Variants in GRID1 observed in about 807,000 individuals in gnomAD.
The protein encoded by GRID1 is glutamate ionotropic receptor delta type subunit 1.
In GRID1, 28 loss-of-function variants were observed where a neutral mutation model predicts 98.0. That is an observed-to-expected ratio of 0.29 (90% CI 0.21 to 0.39). The LOEUF is 0.39. Ranked by LOEUF, GRID1 falls within the 10% of genes least tolerant of loss-of-function variation. The pLI is 1.00. For synonymous variants in GRID1, 553 were observed against 538.5 expected (o/e 1.03, Z -0.37); for missense variants, 1,111 against 1,340.5 (o/e 0.83, Z 2.67).
chr10:85,875,739 A>G (rs1843322836), intron 5 of GRID1, among the ~76,000 whole-genome samples: 1 of 152,216 alleles, frequency 6.6e-6, no homozygotes, highest in Non-Finnish European at 1.5e-5. Context: ...ACTTCCAATC[A>G]CCATTATCCC....
intron 4 of GRID1, among the ~76,000 whole-genome samples, chr10:86,137,556 G>A (rs1021156114): frequency 5.9e-5 from 9 of 152,234 alleles, no homozygotes; most frequent in Non-Finnish European, 1.0e-4. Context: ...AATACTGCAA[G>A]AAGAGCCATC....
At position 85,602,426 on chromosome 10, in the gene GRID1, C is replaced by T. The variant is rs756433261; in HGVS notation, c.2877G>A (p.Ala959=). The stretch of plus-strand genomic sequence containing the variant: ...GTTTGCACTGCATGGAGGGCATGGT[C>T]GCCGAGCTGCTCAGCGGCAGCGGCA... ...SNLPLPLSSS[A]TMPSMQCKHR... The change falls in exon 16 of 16, where the codon GCG becomes GCA. Residue 959 remains alanine (A), a synonymous_variant. Transcript: ENST00000327946. 3.7e-6 allele frequency: 6 copies of T among 1,614,066 alleles called. No individual in the cohort carries two copies. Among genetic ancestry groups the T allele is most frequent in the Middle Eastern group, 3.3e-4 (2 of 6,060 alleles).
At position 86,364,020 on chromosome 10, in the gene GRID1, A is replaced by G; in HGVS notation, c.156T>C (p.Asp52=). 1 of 1,613,936 alleles carries G rather than the reference A, an allele frequency of 6.2e-7. No homozygotes were observed. Among genetic ancestry groups the G allele is most frequent in the East Asian group, 2.2e-5 (1 of 44,862 alleles). ...TGATCTTCTCGCTCTGCAGGATGTC[A>G]TCGTTGAGGCTCAGGTCGGATACCG... is the stretch of plus-strand genomic sequence containing the variant. ...QLAVSDLSLN[D]DILQSEKITY... The change falls in exon 2 of 16, where the codon GAT becomes GAC. Residue 52 remains aspartate (D), a synonymous_variant. Coordinates refer to ENST00000327946, the MANE Select transcript of GRID1 (RefSeq NM_017551.3).
intron 5 of GRID1, among the ~76,000 whole-genome samples, chr10:85,902,889 T>C (rs1841409000): frequency 6.6e-6 from 1 of 152,092 alleles, no homozygotes; most frequent in African/African-American, 2.4e-5. Context: ...ACTTGGCTTC[T>C]GGGACCCCCC....
chr10:85,711,650 A>T (rs1023133304), intron 12 of GRID1, among the ~76,000 whole-genome samples: 9 of 151,886 alleles, frequency 5.9e-5, no homozygotes, highest in Admixed American at 3.3e-4. Context: ...TTACCAATAA[A>T]AATTTAAATC....
chr10:86,191,320 C>A (rs556220733), intron 3 of GRID1, among the ~76,000 whole-genome samples: 1 of 152,232 alleles, frequency 6.6e-6, no homozygotes, highest in East Asian at 1.9e-4. Context: ...TCAAATAAGT[C>A]TTGAGGATGG....
At chr10:85,953,280 C>A (rs1842148254) in intron 4 of GRID1, among the ~76,000 whole-genome samples, 1 of 151,954 alleles carries the variant, frequency 6.6e-6, no homozygotes, top group Non-Finnish European at 1.5e-5. Context: ...GAACAGAAAA[C>A]CAAATACTGC....
chr10:86,331,324 G>T (rs778575913), intron 2 of GRID1, among the ~76,000 whole-genome samples: 1 of 152,166 alleles, frequency 6.6e-6, no homozygotes. Flanking sequence ...ACACAGAGCC[G>T]TCCTGACAGG....
At chr10:86,230,987 C>G (rs1055688372) in intron 2 of GRID1, among the ~76,000 whole-genome samples, 2 of 152,202 alleles carry the variant, frequency 1.3e-5, no homozygotes, top group Non-Finnish European at 2.9e-5. Flanking sequence ...ATCCCTGGTT[C>G]CATGAGACTT....
intron 2 of GRID1, among the ~76,000 whole-genome samples, chr10:86,214,467 T>C (rs943003574): frequency 6.6e-6 from 1 of 152,174 alleles, no homozygotes; most frequent in Non-Finnish European, 1.5e-5. Context: ...TAACAAACAT[T>C]TGCCATGTTG....
At chr10:86,337,439 G>T (rs958838896) in intron 2 of GRID1, among the ~76,000 whole-genome samples, 1 of 152,146 alleles carries the variant, frequency 6.6e-6, no homozygotes, top group Admixed American at 6.5e-5. Context: ...CAACCACACT[G>T]GGCCCCAGCT....
chr10:86,137,311 T>C (rs770795772), intron 4 of GRID1, among the ~76,000 whole-genome samples: 8 of 152,218 alleles, frequency 5.3e-5, no homozygotes, highest in Non-Finnish European at 1.0e-4. Context: ...AAACAGAGGC[T>C]AAGACGGTGA....
intron 8 of GRID1, among the ~76,000 whole-genome samples, chr10:85,798,911 TA>T (rs1187159887): frequency 6.6e-6 from 1 of 152,126 alleles, no homozygotes; most frequent in Non-Finnish European, 1.5e-5. Flanking sequence ...AGGTCTTACA[TA>T]AAAAGTTATT....
At chr10:85,715,225 A>G (rs1841625293) in intron 12 of GRID1, among the ~76,000 whole-genome samples, 1 of 152,176 alleles carries the variant, frequency 6.6e-6, no homozygotes, top group South Asian at 2.1e-4. Flanking sequence ...CACCATACAC[A>G]AAAATCAACT....
chr10:86,020,365 G>A (rs994902588), intron 4 of GRID1, among the ~76,000 whole-genome samples: 42 of 152,166 alleles, frequency 2.8e-4, no homozygotes, highest in Non-Finnish European at 4.7e-4. Context: ...GGCGCTGACC[G>A]ACTGAGCCAT....
At chr10:86,289,557 C>T (rs367653967) in intron 2 of GRID1, among the ~76,000 whole-genome samples, 1 of 151,948 alleles carries the variant, frequency 6.6e-6, no homozygotes, top group African/African-American at 2.4e-5. Flanking sequence ...CTGCAGTTGG[C>T]TTAATCTTTC....
At chr10:85,717,191 G>A (rs1476406631) in intron 12 of GRID1, among the ~76,000 whole-genome samples, 8 of 152,114 alleles carry the variant, frequency 5.3e-5, no homozygotes, top group East Asian at 1.9e-4. Context: ...TAATCATTTC[G>A]TAGTGCACAT....
At chr10:85,641,897 T>G (rs996477321) in intron 13 of GRID1, among the ~76,000 whole-genome samples, 2 of 152,156 alleles carry the variant, frequency 1.3e-5, no homozygotes, top group Non-Finnish European at 2.9e-5. Context: ...GATGATGCAC[T>G]ACTAGAGGCA....
intron 4 of GRID1, among the ~76,000 whole-genome samples, chr10:86,069,603 G>A (rs1014396962): frequency 2.0e-5 from 3 of 152,176 alleles, no homozygotes; most frequent in African/African-American, 4.8e-5. Context: ...AGCCGAGATC[G>A]CACCACTGCA....
Sources: allele counts gnomAD v4.1 joint callset (sites outside exome capture counted in the v4.1 genomes callset), GRCh38; gene constraint gnomAD v4.1.1; transcripts MANE v1.5; gene names NCBI Gene and HGNC (gene_info 2026-07-23, HGNC 2026-07-21).